Variants in SLC40A1 observed in about 807,000 individuals in gnomAD.
The protein encoded by SLC40A1 is solute carrier family 40 member 1.
A neutral mutation model predicts 53.5 loss-of-function variants in SLC40A1; 16 were observed. That is an observed-to-expected ratio of 0.30 (90% CI 0.20 to 0.45). The LOEUF (loss-of-function observed/expected upper bound fraction) is 0.45. Among genes scored for constraint, SLC40A1 ranks in the 20% least tolerant of loss-of-function variants. SLC40A1 has a pLI of 1.00. For synonymous variants in SLC40A1, 247 were observed against 253.2 expected, an observed-to-expected ratio of 0.98 and a Z score of 0.23; for missense variants, 545 against 695.4, an observed-to-expected ratio of 0.78 and a Z score of 2.43.
At position 189,564,826 on chromosome 2, in the gene SLC40A1, C is replaced by T. The variant is rs558782234; in HGVS notation, c.760+528G>A. ...CTGCACTCCAGCCTGGGCGACAGAG[C>T]GAGACTCTGTCTCAAAAAAACAAAA... On this transcript the variant is annotated intron_variant, in intron 6 of 7. Coordinates refer to ENST00000261024, the MANE Select transcript of SLC40A1 (RefSeq NM_014585.6). Among the ~76,000 whole-genome samples the T allele has an allele frequency of 7.9e-5, 12 of 152,144 alleles. No individual in the cohort carries two copies. The South Asian group carries it at 2.3e-3, about 29-fold the overall frequency.
intron 4 of SLC40A1, chr2:189,572,414 T>A: frequency 3.6e-6 from 1 of 277,930 alleles, no homozygotes; most frequent in South Asian, 3.8e-5. Flanking sequence ...CCTCTCCTCT[T>A]TTCCATCAAG....
At chr2:189,577,817 A>T (rs147318474) in intron 2 of SLC40A1, among the ~76,000 whole-genome samples, 1 of 150,366 alleles carries the variant, frequency 6.7e-6, no homozygotes, top group Non-Finnish European at 1.5e-5. Context: ...GAGTCTCCCT[A>T]TGTTGCCCAG....
At chr2:189,567,120 AAG>A (rs1436512739) in intron 5 of SLC40A1, among the ~76,000 whole-genome samples, 5 of 152,182 alleles carry the variant, frequency 3.3e-5, no homozygotes, top group African/African-American at 1.2e-4. Flanking sequence ...AGAAAGAGAC[AAG>A]AGAGAGATCA....
At chr2:189,574,554 T>C (rs556929628) in intron 3 of SLC40A1, among the ~76,000 whole-genome samples, 18 of 152,368 alleles carry the variant, frequency 1.2e-4, no homozygotes, top group African/African-American at 4.3e-4. Context: ...TTCCCTTATA[T>C]ACTGGAAAAT....
chr2:189,575,716 A>G (rs2031268202), intron 2 of SLC40A1, among the ~76,000 whole-genome samples: 1 of 152,216 alleles, frequency 6.6e-6, no homozygotes, highest in Non-Finnish European at 1.5e-5. Flanking sequence ...ATTGAACCAG[A>G]AATCAATTAC....
chr2:189,563,174 C>T (rs1463546866), intron 7 of SLC40A1, among the ~76,000 whole-genome samples: 1 of 151,144 alleles, frequency 6.6e-6, no homozygotes, highest in African/African-American at 2.4e-5. Context: ...ACTTGGGGGA[C>T]TGAGGCAGGA....
chr2:189,569,955 T>C (rs2031067795), intron 5 of SLC40A1, among the ~76,000 whole-genome samples: 1 of 151,190 alleles, frequency 6.6e-6, no homozygotes, highest in South Asian at 2.1e-4. Flanking sequence ...ATTTATATGA[T>C]GTGTGTATAT....
At chr2:189,579,910 G>T in intron 1 of SLC40A1, 30 bp from the exon 2 acceptor site, 3 of 1,607,160 alleles carry the variant, frequency 1.9e-6, no homozygotes, top group Non-Finnish European at 2.6e-6. Flanking sequence ...GTGACAAAAA[G>T]CGATGGTAGT....
intron 6 of SLC40A1, 108 bp downstream of exon 6, chr2:189,565,245 GC>G (rs1198844893): frequency 2.2e-6 from 3 of 1,357,660 alleles, no homozygotes; most frequent in Non-Finnish European, 2.1e-6. Context: ...ACCTCATCTG[GC>G]CCCCACTGGT....
Position 189,570,004 on chromosome 2 carries a change from A to G in SLC40A1, c.514+1711T>C, listed in dbSNP as rs572185260. Among the ~76,000 whole-genome samples the G allele has an allele frequency of 1.9e-3, 268 of 143,904 alleles. 1 individual carries two copies. The highest frequency in any genetic ancestry group is 6.0e-3 in the African/African-American group (235 of 39,246). The allele number at this position is 143,904 out of a possible 152,430, so 94.4% of individuals were successfully genotyped here. The stretch of plus-strand genomic sequence containing the variant: ...TATATACACACCTATATATGTATGT[A>G]TATATATATACACACCTATATATGT... On this transcript the variant is annotated intron_variant, in intron 5 of 7. Transcript: ENST00000261024.
At position 189,572,906 on chromosome 2, in the gene SLC40A1, G is replaced by A. The variant is rs11568345; in HGVS notation, c.327C>T (p.Ile109=). ...GTTTATGTAAGAAAACCATCATCAG[G>A]ATGATTCCACACAGGATGACTGAAA... ...QNVSVILCGI[I]LMMVFLHKHE... The change falls in exon 4 of 8, where the codon ATC becomes ATT. Residue 109 remains isoleucine (I), a synonymous_variant. Coordinates refer to ENST00000261024, the MANE Select transcript of SLC40A1 (RefSeq NM_014585.6). 6,702 of 1,613,972 alleles carry A rather than the reference G, an allele frequency of 4.2e-3. 254 individuals carry two copies. In the African/African-American group the frequency reaches 0.08, roughly 19 times the overall value.
At chr2:189,572,073 C>T (rs1244134257) in intron 4 of SLC40A1, among the ~76,000 whole-genome samples, 3 of 152,060 alleles carry the variant, frequency 2.0e-5, no homozygotes, top group Non-Finnish European at 4.4e-5. Flanking sequence ...ACACATAATA[C>T]AAAAATTATA....
intron 5 of SLC40A1, 98 bp downstream of exon 5, chr2:189,571,617 C>T (rs1366591576): frequency 1.3e-6 from 2 of 1,535,974 alleles, no homozygotes; most frequent in Admixed American, 4.0e-5. Flanking sequence ...TTAAAAAATA[C>T]CCAGAACAAA....
Position 189,561,547 on chromosome 2 carries a change from T to C in SLC40A1, c.*331A>G. The C allele has an allele frequency of 3.8e-6, 1 of 262,600 alleles. No homozygotes were observed. Among genetic ancestry groups the C allele is most frequent in the Non-Finnish European group, 7.4e-6 (1 of 135,604 alleles). 16.3% of individuals were successfully genotyped at this position (262,600 alleles called of 1,614,324 possible). ...CTGAATTCTAGTACAGATAAGAATC[T>C]GTCAAATGATAACTGAATTCACGTG... On this transcript the variant is annotated 3_prime_UTR_variant, in exon 8 of 8. Transcript: ENST00000261024.
chr2:189,576,771 TTC>T (rs1439112904), intron 2 of SLC40A1, among the ~76,000 whole-genome samples: 2 of 152,232 alleles, frequency 1.3e-5, no homozygotes, highest in Admixed American at 1.3e-4. Flanking sequence ...TCAGAGAGTT[TTC>T]TCTTTCTTAA....
rs1387864275 is a variant in SLC40A1 at position 189,575,167 on chromosome 2, G to A, written c.265C>T (p.Leu89Phe). 6.2e-7 allele frequency: 1 copy of A among 1,614,000 alleles called. No individual in the cohort carries two copies. The highest frequency in any genetic ancestry group is 8.5e-7 in the Non-Finnish European group (1 of 1,179,926). Residue 89 changes from leucine (L) to phenylalanine (F), a missense_variant, in exon 3 of 8, where the codon CTT becomes TTT. Transcript: ENST00000261024. ...IGDWVDKNAR[L>F]KVAQTSLVVQ... is the part of the protein sequence containing the mutation. The stretch of plus-strand genomic sequence containing the variant: ...ATTATATAACAACACTCACCTTTAA[G>A]TCTAGCATTCTTGTCCACCCAGTCA...
At chr2:189,567,819 A>C (rs1559011845) in intron 5 of SLC40A1, among the ~76,000 whole-genome samples, 1 of 152,180 alleles carries the variant, frequency 6.6e-6, no homozygotes, top group Non-Finnish European at 1.5e-5. Flanking sequence ...TTGATCTTAC[A>C]CTTGACTGCC....
At position 189,580,438 on chromosome 2, in the gene SLC40A1, T is replaced by C. The variant is rs1250643463; in HGVS notation, c.23A>G (p.Asn8Ser). 1.9e-6 allele frequency: 3 copies of C among 1,613,732 alleles called. No homozygotes were observed. The highest frequency in any genetic ancestry group is 1.7e-5 in the Admixed American group (1 of 59,998). ...CTCACCACAGCATCCTCTCTGGCGGTTGTGATCTCCCGCCCTGGTCATGAC... is the reference window on the plus strand; with the variant it reads ...CTCACCACAGCATCCTCTCTGGCGGCTGTGATCTCCCGCCCTGGTCATGAC... MTRAGDHNRQRGCCGSLA... is the reference protein window; with the variant it reads MTRAGDHSRQRGCCGSLA... The change falls in exon 1 of 8, where the codon AAC becomes AGC. Residue 8 changes from asparagine to serine, a missense_variant. Physicochemically the swap from Asn to Ser is conservative, Grantham distance 46 (BLOSUM62 1). Coordinates refer to ENST00000261024, the MANE Select transcript of SLC40A1 (RefSeq NM_014585.6).
At chr2:189,566,537 A>G (rs10193158) in intron 5 of SLC40A1, among the ~76,000 whole-genome samples, 10,897 of 152,282 alleles carry the variant, frequency 0.072, 1,296 homozygotes, top group African/African-American at 0.24. Context: ...GCAAAATTAG[A>G]GCAGGATTAT....
Sources: gnomAD v4.1 joint callset for allele counts (sites outside exome capture counted in the v4.1 genomes callset) on GRCh38, gnomAD v4.1.1 for gene constraint, MANE v1.5 for transcripts, NCBI Gene and HGNC (gene_info 2026-07-23, HGNC 2026-07-21) for gene names.